CLPSL1: variants seen among roughly 807,000 people sequenced by gnomAD.
The protein encoded by CLPSL1 is colipase-like protein 1.
Under a neutral mutation model 9.3 loss-of-function variants are expected in CLPSL1, and 13 were observed. The observed-to-expected ratio is 1.40, with a 90% CI of 0.91 to 2.22. CLPSL1 has a LOEUF of 2.22. Among genes scored for constraint, CLPSL1 ranks in the 30% most tolerant of loss-of-function variants. CLPSL1 has a pLI of 0.00. For missense variants in CLPSL1, 164 were observed against 146.6 expected, an observed-to-expected ratio of 1.12 and a Z score of -0.61; for synonymous variants, 58 against 56.9, an observed-to-expected ratio of 1.02 and a Z score of -0.08.
chr6:35,787,127 A>G lies in CLPSL1; in HGVS notation c.222+7A>G, dbSNP rs1768097266. 33 of 1,611,458 alleles carry G rather than the reference A, an allele frequency of 2.0e-5. No homozygotes were observed. Among genetic ancestry groups the G allele is most frequent in the Non-Finnish European group, 2.7e-5 (32 of 1,179,396 alleles). ...CAGTCTGTGTCAAACGCAGGTGGGT[A>G]TCGCCGCCCGGGGGGAGCCAGAGGG... On this transcript the variant is annotated splice_region_variant and intron_variant, in intron 2 of 2. Transcript: ENST00000373861.
At chr6:35,784,300 G>A (rs1038554471) in intron 1 of CLPSL1, among the ~76,000 whole-genome samples, 1 of 152,148 alleles carries the variant, frequency 6.6e-6, no homozygotes, top group South Asian at 2.1e-4. Flanking sequence ...GGAGAGCAAG[G>A]TTTTATCATG....
chr6:35,785,208 C>T (rs1301902286), intron 1 of CLPSL1, among the ~76,000 whole-genome samples: 5 of 133,626 alleles, frequency 3.7e-5, no homozygotes, highest in South Asian at 4.8e-4. Context: ...GACAGAGTCT[C>T]GCTTTGTCAC....
chr6:35,788,192 G>A (rs1768126836), downstream of CLPSL1: 4 of 611,550 alleles, frequency 6.5e-6, no homozygotes, highest in South Asian at 3.1e-5. Context: ...GCTGGGCTGG[G>A]GTGGGCATGG....
downstream of CLPSL1, among the ~76,000 whole-genome samples, chr6:35,790,492 G>T (rs965737000): frequency 6.6e-6 from 1 of 152,252 alleles, no homozygotes; most frequent in Non-Finnish European, 1.5e-5. Flanking sequence ...AGAAATGACC[G>T]ATTTTTATTC....
At chr6:35,790,586 G>A (rs879463904), downstream of CLPSL1, among the ~76,000 whole-genome samples, 2 of 152,254 alleles carry the variant, frequency 1.3e-5, no homozygotes, top group African/African-American at 4.8e-5. Context: ...ATAGAAGAAG[G>A]GGAGGAGGAG....
At position 35,787,867 on chromosome 6, in the gene CLPSL1, G is replaced by T; in HGVS notation, c.223G>T (p.Val75Leu). The T allele has an allele frequency of 6.2e-7, 1 of 1,609,964 alleles. No individual in the cohort carries two copies. Among genetic ancestry groups the T allele is most frequent in the Non-Finnish European group, 8.5e-7 (1 of 1,176,744 alleles). ...GSEGSLCQTQ[V>L]FFGQYRACPC... ...GAGGTCAAAGTCCTGTCTTTCCCAG[G>T]TGTTCTTTGGCCAATATAGAGCGTG... Residue 75 changes from valine to leucine, a missense_variant and splice_region_variant, in exon 3 of 3, where the codon GTG becomes TTG. Physicochemically the swap from Val to Leu is conservative, Grantham distance 32 (BLOSUM62 1). Coordinates refer to ENST00000373861, the MANE Select transcript of CLPSL1 (RefSeq NM_001010886.5).
Position 35,781,079 on chromosome 6 carries a change from G to T in CLPSL1, c.-32G>T. On this transcript the variant is annotated 5_prime_UTR_variant, in exon 1 of 3. Coordinates refer to ENST00000373861, the MANE Select transcript of CLPSL1 (RefSeq NM_001010886.5). Reference sequence around the variant, plus strand: ...GGTCGGCGTGCAGGATATTTCGCTGGACCCTAGAAAAGCCACCACGACCTG... The same window carrying T: ...GGTCGGCGTGCAGGATATTTCGCTGTACCCTAGAAAAGCCACCACGACCTG... The T allele has an allele frequency of 6.2e-7, 1 of 1,611,882 alleles. No individual in the cohort carries two copies. Among genetic ancestry groups the T allele is most frequent in the Non-Finnish European group, 8.5e-7 (1 of 1,178,922 alleles).
At chr6:35,785,421 C>T (rs1768050175) in intron 1 of CLPSL1, among the ~76,000 whole-genome samples, 1 of 152,186 alleles carries the variant, frequency 6.6e-6, no homozygotes. Flanking sequence ...TCGTGATCTG[C>T]CCGCCTCGGC....
chr6:35,790,910 GGCAC>G (rs1227054024), downstream of CLPSL1, among the ~76,000 whole-genome samples: 2 of 152,172 alleles, frequency 1.3e-5, no homozygotes, highest in East Asian at 3.8e-4. Flanking sequence ...AGCCGGTGGT[GGCAC>G]GCACGTGTAG....
intron 1 of CLPSL1, among the ~76,000 whole-genome samples, chr6:35,784,080 G>T (rs1401015070): frequency 6.6e-6 from 1 of 151,992 alleles, no homozygotes; most frequent in Non-Finnish European, 1.5e-5. Context: ...TTGGGGTATA[G>T]CTTGCTTTTA....
Position 35,793,339 on chromosome 6 carries a change from C to T in CLPSL1, c.82-149C>T, listed in dbSNP as rs542931461. On this transcript the variant is annotated intron_variant, in intron 1 of 1. Transcript: ENST00000428710. ...ACTTGGGAGGCTGAAGCAGGAGAAT[C>T]GCATGAACCCAGGAGGCAGAAGTTG... The T allele has an allele frequency of 3.0e-4, 123 of 416,550 alleles. No individual in the cohort carries two copies. The Middle Eastern group carries it at 5.4e-3, about 18-fold the overall frequency. The allele number at this position is 416,550 out of a possible 1,614,324, so 25.8% of individuals were successfully genotyped here.
intron 1 of CLPSL1, among the ~76,000 whole-genome samples, chr6:35,785,221 A>G (rs1581952381): frequency 7.9e-6 from 1 of 126,492 alleles, no homozygotes; most frequent in African/African-American, 3.1e-5. Flanking sequence ...TTTGTCACCC[A>G]GGCTGGAGTG....
At position 35,787,008 on chromosome 6, in the gene CLPSL1, A is replaced by C; in HGVS notation, c.110A>C (p.Glu37Ala). Residue 37 changes from glutamate to alanine, a missense_variant, in exon 2 of 3, where the codon GAG becomes GCG. Glu to Ala is a moderately radical substitution (Grantham distance 107, BLOSUM62 -1). Coordinates refer to ENST00000373861, the MANE Select transcript of CLPSL1 (RefSeq NM_001010886.5). ...PTKYNLLELK[E>A]SCIRNQDCET... is the part of the protein sequence containing the mutation. The stretch of plus-strand genomic sequence containing the variant: ...TGTCCCTCCCTGCAGGAGCTCAAGG[A>C]GTCTTGCATCCGGAACCAGGACTGC... 1 of 1,582,040 alleles carries C rather than the reference A, an allele frequency of 6.3e-7. No individual in the cohort carries two copies.
chr6:35,793,663 G>A (rs1768268001), exon 2 of CLPSL1: 1 of 450,528 alleles, frequency 2.2e-6, no homozygotes, highest in Admixed American at 2.5e-5. Flanking sequence ...GTTCCTATTT[G>A]CTTCAGCCAT....
chr6:35,787,149 A>G (rs766252950), intron 2 of CLPSL1, 29 bp downstream of exon 2: 1 of 1,607,428 alleles, frequency 6.2e-7, no homozygotes, highest in African/African-American at 1.3e-5. Flanking sequence ...GGGGAGCCAG[A>G]GGGGATCCAG....
At chr6:35,790,765 G>T (rs984523133), downstream of CLPSL1, among the ~76,000 whole-genome samples, 3 of 152,376 alleles carry the variant, frequency 2.0e-5, no homozygotes, top group Non-Finnish European at 4.4e-5. Context: ...CTGGGAGGGG[G>T]ATTTATGACA....
intron 1 of CLPSL1, among the ~76,000 whole-genome samples, chr6:35,785,031 T>C (rs1305476947): frequency 6.6e-6 from 1 of 152,140 alleles, no homozygotes; most frequent in African/African-American, 2.4e-5. Flanking sequence ...CTCTCTCCCC[T>C]GATTCTTCCC....
At position 35,787,916 on chromosome 6, in the gene CLPSL1, G is replaced by GCA; in HGVS notation, c.272_273insCA (p.Ser94IlefsTer?). ...TGTCCCTGCCTGCGGAACCTGACTT[G>GCA]TATATATTCAAAGAATGAGAAATGG... On this transcript the variant is annotated frameshift_variant, in exon 3 of 3. Transcript: ENST00000373861. LOFTEE classifies it low-confidence loss of function (END_TRUNC). 6.2e-7 allele frequency: 1 copy of GCA among 1,609,782 alleles called. No individual in the cohort carries two copies. Among genetic ancestry groups the GCA allele is most frequent in the Non-Finnish European group, 8.5e-7 (1 of 1,176,058 alleles).
At chr6:35,781,640 A>T (rs1043629678) in intron 1 of CLPSL1, among the ~76,000 whole-genome samples, 1 of 152,130 alleles carries the variant, frequency 6.6e-6, no homozygotes, top group Non-Finnish European at 1.5e-5. Flanking sequence ...GATGCTATTA[A>T]TAATAGCATC....
Sources: gnomAD v4.1 joint callset for allele counts (sites outside exome capture counted in the v4.1 genomes callset) on GRCh38, gnomAD v4.1.1 for gene constraint, MANE v1.5 for transcripts, NCBI Gene and HGNC (gene_info 2026-07-23, HGNC 2026-07-21) for gene names.